TMEM132B: variants seen among roughly 807,000 people sequenced by gnomAD.
TMEM132B encodes the protein transmembrane protein 132B.
A neutral mutation model predicts 90.8 loss-of-function variants in TMEM132B; 18 were observed. That is an observed-to-expected ratio of 0.20 (90% CI 0.14 to 0.29). The LOEUF (loss-of-function observed/expected upper bound fraction) is 0.29, where lower values mean the gene tolerates loss of function less well. Among genes scored for constraint, TMEM132B ranks in the 10% least tolerant of loss-of-function variants. The pLI is 1.00. For synonymous variants in TMEM132B, 504 were observed against 523.3 expected (o/e 0.96, Z 0.50); for missense variants, 1,096 against 1,326.8 (o/e 0.83, Z 2.70).
chr12:125,264,673 C>A (rs1380966384), intron 1 of TMEM132B, among the ~76,000 whole-genome samples: 1 of 152,216 alleles, frequency 6.6e-6, no homozygotes, highest in African/African-American at 2.4e-5. Context: ...TGTTGCGTGG[C>A]AAGCATGCAG....
intron 4 of TMEM132B, among the ~76,000 whole-genome samples, 168 bp from the exon 5 acceptor site, chr12:125,583,683 G>A (rs1189731678): frequency 2.6e-5 from 4 of 152,132 alleles, no homozygotes; most frequent in Non-Finnish European, 5.9e-5. Context: ...ATGAAACACC[G>A]ATTGGAAACT....
In TMEM132B at chr12:125,193,587, C is replaced by G. The variant is rs553367003; in HGVS notation, c.67+6721C>G. Among the ~76,000 whole-genome samples, 8 of 152,310 alleles carry G rather than the reference C, an allele frequency of 5.3e-5. No homozygotes were observed. In the South Asian group the frequency reaches 1.7e-3, roughly 32 times the overall value. On this transcript the variant is annotated intron_variant, in intron 1 of 8. Transcript: ENST00000682704. The stretch of plus-strand genomic sequence containing the variant: ...ACTTCTTAGAGGAGGTGGCAGTTTT[C>G]TAATTTGAGACCTTAATGACCAGAA...
intron 2 of TMEM132B, among the ~76,000 whole-genome samples, chr12:125,380,269 C>G (rs556049124): frequency 6.6e-6 from 1 of 152,114 alleles, no homozygotes; most frequent in Non-Finnish European, 1.5e-5. Flanking sequence ...TCACATTAGT[C>G]CAGTCTCTGC....
At chr12:125,257,633 C>G (rs922421848) in intron 1 of TMEM132B, among the ~76,000 whole-genome samples, 1 of 152,046 alleles carries the variant, frequency 6.6e-6, no homozygotes, top group African/African-American at 2.4e-5. Flanking sequence ...ACTTTATATG[C>G]CAAAAACTCT....
At chr12:125,291,563 T>C (rs1875541099) in intron 1 of TMEM132B, among the ~76,000 whole-genome samples, 1 of 152,174 alleles carries the variant, frequency 6.6e-6, no homozygotes, top group Admixed American at 6.5e-5. Flanking sequence ...AGCAAGGGCA[T>C]GAGGATGTCA....
chr12:125,333,810 G>A (rs1013505264), intron 1 of TMEM132B, among the ~76,000 whole-genome samples: 15 of 152,132 alleles, frequency 9.9e-5, no homozygotes, highest in Admixed American at 4.6e-4. Context: ...CACTGAGTAG[G>A]TAAAATAAAA....
intron 1 of TMEM132B, among the ~76,000 whole-genome samples, chr12:125,203,742 G>C (rs1315003608): frequency 6.6e-6 from 1 of 151,954 alleles, no homozygotes; most frequent in Non-Finnish European, 1.5e-5. Flanking sequence ...TGTAAAATTG[G>C]GATGTATCAT....
chr12:125,456,769 A>T (rs1881302997), intron 3 of TMEM132B, among the ~76,000 whole-genome samples: 1 of 152,178 alleles, frequency 6.6e-6, no homozygotes, highest in Non-Finnish European at 1.5e-5. Flanking sequence ...GTGTCCTCAG[A>T]GGCTGGCACA....
At chr12:125,188,207 C>A (rs1318457133) in intron 1 of TMEM132B, among the ~76,000 whole-genome samples, 3 of 152,180 alleles carry the variant, frequency 2.0e-5, no homozygotes, top group Non-Finnish European at 1.5e-5. Context: ...GGCTTTGGTT[C>A]AGCCTAGAGA....
chr12:125,547,077 T>C (rs1280293612), intron 4 of TMEM132B, among the ~76,000 whole-genome samples: 1 of 152,196 alleles, frequency 6.6e-6, no homozygotes, highest in East Asian at 1.9e-4. Flanking sequence ...GCCCCCATGA[T>C]TCAATGACCT....
intron 5 of TMEM132B, among the ~76,000 whole-genome samples, chr12:125,611,767 C>T (rs1371665340): frequency 6.6e-6 from 1 of 152,086 alleles, no homozygotes; most frequent in African/African-American, 2.4e-5. Flanking sequence ...GATCCGACAA[C>T]ATTATTGGTA....
intron 1 of TMEM132B, among the ~76,000 whole-genome samples, chr12:125,348,566 G>T (rs998189887): frequency 4.0e-5 from 6 of 151,462 alleles, no homozygotes; most frequent in African/African-American, 1.2e-4. Context: ...AACTCTTGGG[G>T]TCAAGTGACC....
At chr12:125,414,454 C>T (rs1017658598) in intron 2 of TMEM132B, among the ~76,000 whole-genome samples, 6 of 152,146 alleles carry the variant, frequency 3.9e-5, no homozygotes, top group Non-Finnish European at 8.8e-5. Context: ...CATCCTCTAA[C>T]TCCTCCACAT....
chr12:125,190,653 TGGTGATGGGGAAGG>T (rs1217786080), intron 1 of TMEM132B, among the ~76,000 whole-genome samples: 1 of 16,708 alleles, frequency 6.0e-5, no homozygotes, highest in African/African-American at 2.6e-4. Flanking sequence ...GGGGTGGCGA[TGGTGATGGGGAAGG>T]GGTGGTGATG....
intron 4 of TMEM132B, among the ~76,000 whole-genome samples, chr12:125,566,835 C>CTTCTTTTTTTTT (rs1463169929): frequency 3.8e-5 from 3 of 78,738 alleles, no homozygotes; most frequent in African/African-American, 6.1e-5. Context: ...TCTTCTTCTT[C>CTTCTTTTTTTTT]TTTTTTTTTT....
At chr12:125,272,672 T>C (rs757196853) in intron 1 of TMEM132B, among the ~76,000 whole-genome samples, 1 of 152,044 alleles carries the variant, frequency 6.6e-6, no homozygotes, top group Non-Finnish European at 1.5e-5. Flanking sequence ...TTCACAATTG[T>C]CTCCATGGCA....
At chr12:125,591,371 A>G (rs1885313215) in intron 5 of TMEM132B, among the ~76,000 whole-genome samples, 1 of 152,080 alleles carries the variant, frequency 6.6e-6, no homozygotes, top group Non-Finnish European at 1.5e-5. Flanking sequence ...TTTCAAAGCC[A>G]GCAGCGTAGC....
intron 1 of TMEM132B, among the ~76,000 whole-genome samples, chr12:125,287,199 C>G (rs1875386044): frequency 6.6e-6 from 1 of 151,930 alleles, no homozygotes; most frequent in African/African-American, 2.4e-5. Flanking sequence ...TTCTGTGGCC[C>G]CGTCTCCTCT....
At chr12:125,320,555 C>G (rs1876400531) in intron 1 of TMEM132B, among the ~76,000 whole-genome samples, 2 of 152,092 alleles carry the variant, frequency 1.3e-5, no homozygotes, top group Non-Finnish European at 2.9e-5. Context: ...GTGAGCTTGG[C>G]TAGGAGAAGG....
Sources: allele counts gnomAD v4.1 joint callset (sites outside exome capture counted in the v4.1 genomes callset), GRCh38; gene constraint gnomAD v4.1.1; transcripts MANE v1.5; gene names NCBI Gene and HGNC (gene_info 2026-07-23, HGNC 2026-07-21).